Variants in NTRK2 observed in about 807,000 individuals in gnomAD.
The protein encoded by NTRK2 is BDNF/NT-3 growth factors receptor.
A neutral mutation model predicts 94.5 loss-of-function variants in NTRK2; 13 were observed. The ratio of observed to expected loss-of-function variants is 0.14; its 90% confidence interval spans 0.09 to 0.22. NTRK2 has a LOEUF of 0.22. Ranked by LOEUF, NTRK2 falls within the 10% of genes least tolerant of loss-of-function variation. NTRK2 has a pLI of 1.00. For missense variants in NTRK2, 639 were observed against 1,071.2 expected (o/e 0.60, Z 5.63); for synonymous variants, 372 against 407.4 (o/e 0.91, Z 1.05).
chr9:84,681,379 C>T (rs75170711), intron 2 of NTRK2, among the ~76,000 whole-genome samples: 4,031 of 152,292 alleles, frequency 0.026, 73 homozygotes, highest in Admixed American at 0.044. Context: ...CATATTACGT[C>T]TTGTCAATCC....
intron 2 of NTRK2, among the ~76,000 whole-genome samples, chr9:84,690,171 A>G (rs2059961229): frequency 6.6e-6 from 1 of 152,214 alleles, no homozygotes; most frequent in South Asian, 2.1e-4. Flanking sequence ...CCCATAGCCT[A>G]TAAAAGTTGG....
At position 84,870,364 on chromosome 9, in the gene NTRK2, T is replaced by TATATATATATATATA. The variant is rs1470777504; in HGVS notation, c.1633+2934_1633+2935insTATATATATATATAA. On this transcript the variant is annotated intron_variant, in intron 14 of 18. Transcript: ENST00000277120. ...ATATATATATATATATATATATATATAAAACTCTGTCACCCAGGCTGGAGT... is the reference window on the plus strand; with the variant it reads ...ATATATATATATATATATATATATATATATATATATATATAAAAACTCTGTCACCCAGGCTGGAGT... 3.0e-5 allele frequency among the ~76,000 whole-genome samples: 4 copies of TATATATATATATATA among 131,678 alleles called. No individual in the cohort carries two copies. In the East Asian group the frequency reaches 7.4e-4, roughly 24 times the overall value. The allele number at this position is 131,678 out of a possible 152,430, so 86.4% of individuals were successfully genotyped here.
chr9:84,845,788 G>A (rs1234534966), intron 12 of NTRK2, among the ~76,000 whole-genome samples: 1 of 152,062 alleles, frequency 6.6e-6, no homozygotes, highest in African/African-American at 2.4e-5. Context: ...TTGAGAAGTG[G>A]GTGAGGGATA....
chr9:84,708,863 T>C (rs2061264073), intron 5 of NTRK2, among the ~76,000 whole-genome samples: 1 of 152,210 alleles, frequency 6.6e-6, no homozygotes, highest in South Asian at 2.1e-4. Flanking sequence ...ATTCAGGACG[T>C]TGAAGCACTA....
intron 12 of NTRK2, among the ~76,000 whole-genome samples, chr9:84,851,358 T>A (rs932597107): frequency 6.6e-6 from 1 of 152,230 alleles, no homozygotes; most frequent in African/African-American, 2.4e-5. Flanking sequence ...GTGTGCATGA[T>A]GGCCCATAGT....
chr9:84,912,723 C>T (rs2077276417), intron 14 of NTRK2, among the ~76,000 whole-genome samples: 1 of 150,204 alleles, frequency 6.7e-6, no homozygotes, highest in Admixed American at 6.6e-5. Flanking sequence ...GGGTTCATGC[C>T]ATTCTCCTGT....
At chr9:84,977,346 G>C (rs181688592) in intron 17 of NTRK2, among the ~76,000 whole-genome samples, 107 of 152,256 alleles carry the variant, frequency 7.0e-4, no homozygotes, top group African/African-American at 2.4e-3. Flanking sequence ...TGCTAAGTTT[G>C]GGGACCATTT....
chr9:84,682,487 A>G (rs981723451), intron 2 of NTRK2, among the ~76,000 whole-genome samples: 1 of 152,072 alleles, frequency 6.6e-6, no homozygotes, highest in Non-Finnish European at 1.5e-5. Flanking sequence ...TGTCAGGTTT[A>G]TTAGTTTGCC....
chr9:84,810,925 C>T (rs1564329310), intron 12 of NTRK2: 1 of 1,175,752 alleles, frequency 8.5e-7, no homozygotes, highest in South Asian at 3.5e-5. Flanking sequence ...GCTTTTTGAC[C>T]CTACTGGACA....
chr9:84,901,745 G>A (rs1473966482), intron 14 of NTRK2, among the ~76,000 whole-genome samples: 2 of 152,034 alleles, frequency 1.3e-5, no homozygotes, highest in African/African-American at 4.8e-5. Context: ...CCAGTCCAGG[G>A]CTAGATTCCC....
At chr9:84,671,668 T>C (rs1295451674) in intron 2 of NTRK2, among the ~76,000 whole-genome samples, 1 of 152,236 alleles carries the variant, frequency 6.6e-6, no homozygotes, top group Non-Finnish European at 1.5e-5. Context: ...TAACTCTTAA[T>C]TGCCCATTGA....
rs201850724 is a variant in NTRK2 at position 85,023,008 on chromosome 9, A to G, written c.*1571A>G. ...ATTCCAAGTGTACTCCATTGTCAGT[A>G]TGCTGTTTTTGTTTCCTTCACTCCA... On this transcript the variant is annotated 3_prime_UTR_variant, in exon 19 of 19. Coordinates refer to ENST00000277120, the MANE Select transcript of NTRK2 (RefSeq NM_006180.6). The G allele has an allele frequency of 1.7e-5, 4 of 233,042 alleles. No individual in the cohort carries two copies. Among genetic ancestry groups the G allele is most frequent in the Non-Finnish European group, 3.4e-5 (4 of 117,992 alleles). 14.4% of individuals were successfully genotyped at this position (233,042 alleles called of 1,614,324 possible). A position where few individuals can be genotyped will look rare whatever the true frequency, so the allele number is the denominator to read the frequency against.
At chr9:84,722,532 A>G (rs916973960) in intron 6 of NTRK2, among the ~76,000 whole-genome samples, 12 of 152,116 alleles carry the variant, frequency 7.9e-5, no homozygotes, top group Admixed American at 6.6e-4. Flanking sequence ...TGAGTTAATG[A>G]TGTATCATAG....
At chr9:84,997,093 C>T (rs547548697) in intron 17 of NTRK2, among the ~76,000 whole-genome samples, 7 of 152,292 alleles carry the variant, frequency 4.6e-5, no homozygotes, top group African/African-American at 1.7e-4. Flanking sequence ...ATACCTTTTA[C>T]AGTCCTTGTA....
intron 14 of NTRK2, among the ~76,000 whole-genome samples, chr9:84,908,518 AT>A (rs1383461178): frequency 6.6e-6 from 1 of 152,224 alleles, no homozygotes; most frequent in African/African-American, 2.4e-5. Context: ...TTGATGACAC[AT>A]TTCTTTAATA....
At chr9:84,905,285 TG>T (rs2077039583) in intron 14 of NTRK2, among the ~76,000 whole-genome samples, 1 of 151,646 alleles carries the variant, frequency 6.6e-6, no homozygotes, top group Non-Finnish European at 1.5e-5. Flanking sequence ...GGTGTGTGTG[TG>T]TGTGTGTGTG....
intron 2 of NTRK2, among the ~76,000 whole-genome samples, chr9:84,691,642 G>A (rs777660820): frequency 3.9e-5 from 6 of 152,214 alleles, no homozygotes; most frequent in Non-Finnish European, 8.8e-5. Flanking sequence ...CCCTATCTGA[G>A]TATGAAGATG....
At chr9:84,782,390 G>A (rs1384931740) in intron 12 of NTRK2, among the ~76,000 whole-genome samples, 2 of 152,172 alleles carry the variant, frequency 1.3e-5, no homozygotes, top group East Asian at 1.9e-4. Flanking sequence ...TATAGGAAAC[G>A]GAACTGTGAA....
At chr9:84,719,309 T>A (rs1462915760) in intron 6 of NTRK2, among the ~76,000 whole-genome samples, 1 of 152,090 alleles carries the variant, frequency 6.6e-6, no homozygotes, top group Non-Finnish European at 1.5e-5. Context: ...GTTCTAAGGA[T>A]GAGATAAAAC....
Sources: allele counts gnomAD v4.1 joint callset (sites outside exome capture counted in the v4.1 genomes callset), GRCh38; gene constraint gnomAD v4.1.1; transcripts MANE v1.5; gene names NCBI Gene and HGNC (gene_info 2026-07-23, HGNC 2026-07-21).